The following CNTNAP5 variants were observed in gnomAD, a reference collection of about 807,000 sequenced individuals.
The protein encoded by CNTNAP5 is contactin associated protein family member 5.
Under a neutral mutation model 150.2 loss-of-function variants are expected in CNTNAP5, and 72 were observed. The ratio of observed to expected loss-of-function variants is 0.48; its 90% CI spans 0.40 to 0.58. The LOEUF (loss-of-function observed/expected upper bound fraction) is 0.58, where lower values mean the gene tolerates loss of function less well. CNTNAP5 is among the 20% of genes least tolerant of loss of function. CNTNAP5 has a pLI of 0.00. For synonymous variants in CNTNAP5, 672 were observed against 619.8 expected (o/e 1.08, Z -1.25); for missense variants, 1,636 against 1,626.2 (o/e 1.01, Z -0.10).
chr2:124,364,050 A>C (rs1474326789), intron 3 of CNTNAP5, among the ~76,000 whole-genome samples: 2 of 152,054 alleles, frequency 1.3e-5, no homozygotes, highest in African/African-American at 2.4e-5. Flanking sequence ...GCTCTCCTCT[A>C]CTCAGTCTTG....
intron 3 of CNTNAP5, among the ~76,000 whole-genome samples, chr2:124,252,724 T>C (rs1241052858): frequency 2.6e-5 from 4 of 152,316 alleles, no homozygotes; most frequent in Admixed American, 2.0e-4. Context: ...AGTCAAATTA[T>C]CATGTAGGAA....
At chr2:124,757,773 C>G (rs1446137261) in intron 14 of CNTNAP5, among the ~76,000 whole-genome samples, 1 of 152,158 alleles carries the variant, frequency 6.6e-6, no homozygotes, top group East Asian at 1.9e-4. Context: ...TCTGAGTCCC[C>G]AAACCACCAG....
rs192650380 is a variant in CNTNAP5 at position 124,483,409 on chromosome 2, C to T, written c.1062+8527C>T. ...AAATGGAATCACCATTAGCGCAGGC[C>T]GGTATGAACCTGCTGCATACCCTCC... On this transcript the variant is annotated intron_variant, in intron 7 of 23. Coordinates refer to ENST00000682447, the MANE Select transcript of CNTNAP5 (RefSeq NM_001367498.1). Among the ~76,000 whole-genome samples, 243 of 152,272 alleles carry T rather than the reference C, an allele frequency of 1.6e-3. 2 individuals are homozygous for T. The highest frequency in any genetic ancestry group is 5.7e-3 in the African/African-American group (235 of 41,554).
At chr2:124,636,983 C>T (rs72974548) in intron 12 of CNTNAP5, among the ~76,000 whole-genome samples, 1,582 of 151,808 alleles carry the variant, frequency 0.01, 27 homozygotes, top group African/African-American at 0.036. Flanking sequence ...GTAGACACAG[C>T]GATAATTTAA....
intron 13 of CNTNAP5, among the ~76,000 whole-genome samples, chr2:124,675,693 C>T (rs1678925507): frequency 6.6e-6 from 1 of 152,058 alleles, no homozygotes; most frequent in African/African-American, 2.4e-5. Context: ...GTATATAAGC[C>T]CACTAATACA....
At chr2:124,449,474 C>T (rs1692912478) in intron 6 of CNTNAP5, among the ~76,000 whole-genome samples, 1 of 152,162 alleles carries the variant, frequency 6.6e-6, no homozygotes, top group South Asian at 2.1e-4. Context: ...TTCTAAAATT[C>T]ACTCTGTTGC....
intron 3 of CNTNAP5, among the ~76,000 whole-genome samples, chr2:124,361,175 CTTCTCTGTA>C (rs1376974540): frequency 6.8e-6 from 1 of 147,688 alleles, no homozygotes; most frequent in African/African-American, 2.5e-5. Flanking sequence ...CCTTTAAGCA[CTTCTCTGTA>C]TTGGTTATTC....
intron 13 of CNTNAP5, among the ~76,000 whole-genome samples, chr2:124,662,078 A>T (rs538858266): frequency 1.3e-5 from 2 of 152,024 alleles, no homozygotes; most frequent in Admixed American, 6.6e-5. Flanking sequence ...TTCAACTCCC[A>T]CTTATGAGTG....
At chr2:124,654,382 T>C (rs1392341726) in intron 13 of CNTNAP5, among the ~76,000 whole-genome samples, 3 of 152,178 alleles carry the variant, frequency 2.0e-5, no homozygotes, top group Non-Finnish European at 4.4e-5. Context: ...GCTAAGCACA[T>C]AGACATTTTA....
chr2:124,555,877 A>G (rs1243730915), intron 10 of CNTNAP5, among the ~76,000 whole-genome samples: 1 of 152,236 alleles, frequency 6.6e-6, no homozygotes, highest in East Asian at 1.9e-4. Flanking sequence ...GGGAATTTGT[A>G]GAATAAATTT....
At chr2:124,412,142 G>A (rs1461246956) in intron 3 of CNTNAP5, among the ~76,000 whole-genome samples, 2 of 131,006 alleles carry the variant, frequency 1.5e-5, no homozygotes, top group Non-Finnish European at 3.5e-5. Flanking sequence ...GCCTCAAAGA[G>A]AATAAAATAC....
At chr2:124,890,341 T>C (rs1057498585) in intron 21 of CNTNAP5, among the ~76,000 whole-genome samples, 8 of 152,154 alleles carry the variant, frequency 5.3e-5, no homozygotes, top group African/African-American at 1.9e-4. Context: ...TGTGAGCTGA[T>C]GCATTAATAT....
chr2:124,815,102 G>C (rs1309661858), intron 19 of CNTNAP5, among the ~76,000 whole-genome samples: 1 of 152,162 alleles, frequency 6.6e-6, no homozygotes, highest in Non-Finnish European at 1.5e-5. Context: ...CTGATTTCCA[G>C]CTCTCCGTAG....
chr2:124,510,287 A>ATATCTATATATC (rs1213281229), intron 8 of CNTNAP5, among the ~76,000 whole-genome samples: 4 of 20,058 alleles, frequency 2.0e-4, no homozygotes, highest in African/African-American at 6.5e-4. Flanking sequence ...ATCTATATCT[A>ATATCTATATATC]TATATCTATA....
chr2:124,674,273 C>T (rs1456756835), intron 13 of CNTNAP5, among the ~76,000 whole-genome samples: 2 of 152,044 alleles, frequency 1.3e-5, no homozygotes. Flanking sequence ...TTAGTTTGCG[C>T]TTCTTACTCT....
chr2:124,758,222 G>A (rs1296370669), intron 14 of CNTNAP5, among the ~76,000 whole-genome samples: 1 of 151,774 alleles, frequency 6.6e-6, no homozygotes, highest in Non-Finnish European at 1.5e-5. Flanking sequence ...GAGGGAGGAA[G>A]TAAGAAAGAA....
rs372632063 is a variant in CNTNAP5 at position 124,699,055 on chromosome 2, T to C, written c.2078-48174T>C. ...AAATGAGCGATTTAATATTTAATTT[T>C]ATGTAATTTAAATTGAAGTTTAAAT... is the stretch of plus-strand genomic sequence containing the variant. On this transcript the variant is annotated intron_variant, in intron 13 of 23. Coordinates refer to ENST00000682447, the MANE Select transcript of CNTNAP5 (RefSeq NM_001367498.1). Among the ~76,000 whole-genome samples the C allele has an allele frequency of 1.4e-4, 21 of 152,328 alleles. No homozygotes were observed. In the East Asian group the frequency reaches 1.5e-3, roughly 11 times the overall value.
intron 11 of CNTNAP5, among the ~76,000 whole-genome samples, chr2:124,591,538 G>A (rs1353116053): frequency 6.6e-6 from 1 of 152,106 alleles, no homozygotes; most frequent in African/African-American, 2.4e-5. Context: ...CTGATGATAT[G>A]GAAAGGCTTT....
rs571363877 is a variant in CNTNAP5, at chr2:124,240,997, A to G, written c.188-1203A>G. Among the ~76,000 whole-genome samples, 3 of 152,276 alleles carry G rather than the reference A, an allele frequency of 2.0e-5. No individual in the cohort carries two copies. The East Asian group carries it at 5.8e-4, about 29-fold the overall frequency. Reference sequence around the variant, plus strand: ...ATAGATTGAAAGAAAAAGGTTATTGATTAACTCCTCTAAATGAAAACTTCA... The same window carrying G: ...ATAGATTGAAAGAAAAAGGTTATTGGTTAACTCCTCTAAATGAAAACTTCA... On this transcript the variant is annotated intron_variant, in intron 2 of 23. Coordinates refer to ENST00000682447, the MANE Select transcript of CNTNAP5 (RefSeq NM_001367498.1).
Sources: gnomAD v4.1 joint callset for allele counts (sites outside exome capture counted in the v4.1 genomes callset) on GRCh38, gnomAD v4.1.1 for gene constraint, MANE v1.5 for transcripts, NCBI Gene and HGNC (gene_info 2026-07-23, HGNC 2026-07-21) for gene names.